The following UACA variants were observed in gnomAD, a reference collection of about 807,000 sequenced individuals.
The protein encoded by UACA is uveal autoantigen with coiled-coil domains and ankyrin repeats, also known as nuclear membrane binding protein.
In UACA, 112 loss-of-function variants were observed where a neutral mutation model predicts 160.5. The ratio of observed to expected loss-of-function variants is 0.70; its 90% CI spans 0.60 to 0.82. The LOEUF is 0.82. Among genes scored for constraint, UACA ranks in the 40% least tolerant of loss-of-function variants. UACA has a pLI of 0.00. For missense variants in UACA, 1,574 were observed against 1,614.6 expected (o/e 0.97, Z 0.43); for synonymous variants, 557 against 568.4 (o/e 0.98, Z 0.29).
Position 70,687,561 on chromosome 15 carries a change from T to C in UACA, c.581A>G (p.Asn194Ser). The C allele has an allele frequency of 7.4e-6, 12 of 1,613,866 alleles. No individual in the cohort carries two copies. The South Asian group carries it at 1.2e-4, about 16-fold the overall frequency. ...QLLIDRGADV[N>S]SRDKQNRTAL... Reference sequence around the variant, plus strand: ...TTACCTGTTTTGTTTGTCTCTGGAATTAACATCCGCTCCTCTATCTATCAG... The same window carrying C: ...TTACCTGTTTTGTTTGTCTCTGGAACTAACATCCGCTCCTCTATCTATCAG... Residue 194 changes from asparagine to serine, a missense_variant, in exon 7 of 19, where the codon AAT becomes AGT. Physicochemically the swap from Asn to Ser is conservative, Grantham distance 46. Transcript: ENST00000322954.
chr15:70,663,428 A>G (rs1452131025), intron 17 of UACA, among the ~76,000 whole-genome samples: 1 of 152,198 alleles, frequency 6.6e-6, no homozygotes, highest in African/African-American at 2.4e-5. Flanking sequence ...AAACTAGTTC[A>G]ACTATTGTGG....
chr15:70,743,383 T>A (rs1290311861), intron 1 of UACA, among the ~76,000 whole-genome samples: 1 of 152,222 alleles, frequency 6.6e-6, no homozygotes, highest in African/African-American at 2.4e-5. Context: ...GCATATTTCC[T>A]CATCATATTC....
chr15:70,722,864 T>C (rs557436378), intron 1 of UACA, among the ~76,000 whole-genome samples: 1 of 152,256 alleles, frequency 6.6e-6, no homozygotes, highest in East Asian at 1.9e-4. Flanking sequence ...CAATTCAGTT[T>C]GAAAAAAATT....
chr15:70,669,064 C>T lies in UACA; in HGVS notation c.1620G>A (p.Glu540=). Residue 540 remains glutamate, a synonymous_variant, in exon 16 of 19, where the codon GAG becomes GAA. Transcript: ENST00000322954. ...AGTCTTTCAACTGATCCTTCAGTTC[C>T]TCGGTTAGTCTGTGATTCCCTGAGG... ...EAASGNHRLT[E]ELKDQLKDLK... is the part of the protein sequence containing the mutation. 6.2e-7 allele frequency: 1 copy of T among 1,613,996 alleles called. No individual in the cohort carries two copies. The highest frequency in any genetic ancestry group is 8.5e-7 in the Non-Finnish European group (1 of 1,179,996).
At chr15:70,683,833 GT>G (rs1555410763) in intron 8 of UACA, among the ~76,000 whole-genome samples, 1 of 150,844 alleles carries the variant, frequency 6.6e-6, no homozygotes, top group Non-Finnish European at 1.5e-5. Flanking sequence ...GTATGTTCCT[GT>G]TTTTTTTAAA....
the UACA span, among the ~76,000 whole-genome samples, chr15:70,777,873 G>A: frequency 6.6e-6 from 1 of 152,186 alleles, no homozygotes; most frequent in Non-Finnish European, 1.5e-5. Context: ...TAAGATGGGA[G>A]ATATTAACAG....
At position 70,655,153 on chromosome 15, in the gene UACA, T is replaced by C. The variant is rs1312086785; in HGVS notation, c.*1903A>G. 6.6e-6 allele frequency: 1 copy of C among 152,224 alleles called. No homozygotes were observed. Among genetic ancestry groups the C allele is most frequent in the Admixed American group, 6.5e-5 (1 of 15,284 alleles). 9.4% of individuals were successfully genotyped at this position (152,224 alleles called of 1,614,324 possible). On this transcript the variant is annotated 3_prime_UTR_variant, in exon 19 of 19. Coordinates refer to ENST00000322954, the MANE Select transcript of UACA (RefSeq NM_018003.4). ...GGTTGAAAACAAAATAAAATACACA[T>C]AAGGTTCCCTTCCCATCTCTAATAT... is the stretch of plus-strand genomic sequence containing the variant.
chr15:70,704,414 A>C (rs10518920), intron 1 of UACA, among the ~76,000 whole-genome samples: 27,884 of 152,044 alleles, frequency 0.18, 3,952 homozygotes, highest in African/African-American at 0.4. Context: ...TGGTCGATAA[A>C]AGATCCTTCT....
intron 1 of UACA, among the ~76,000 whole-genome samples, chr15:70,761,656 G>C (rs1221817326): frequency 6.6e-6 from 1 of 152,028 alleles, no homozygotes; most frequent in Non-Finnish European, 1.5e-5. Context: ...TATTTAAACA[G>C]AAATGTTTGC....
chr15:70,691,716 A>G (rs1360303495), intron 3 of UACA, among the ~76,000 whole-genome samples: 2 of 152,170 alleles, frequency 1.3e-5, no homozygotes, highest in African/African-American at 4.8e-5. Flanking sequence ...ATGAGGAAAG[A>G]AGAGAGAGAA....
intron 7 of UACA, among the ~76,000 whole-genome samples, chr15:70,685,819 G>T (rs980447132): frequency 6.6e-6 from 1 of 151,568 alleles, no homozygotes; most frequent in Non-Finnish European, 1.5e-5. Flanking sequence ...GTCTCGCTCT[G>T]TTGCCAGCGC....
chr15:70,773,562 C>T, the UACA span, among the ~76,000 whole-genome samples: 1 of 152,070 alleles, frequency 6.6e-6, no homozygotes, highest in Non-Finnish European at 1.5e-5. Context: ...GATTTGATCC[C>T]TCAGTTAGGA....
At position 70,654,694 on chromosome 15, in the gene UACA, T is replaced by C. The variant is rs1896435386; in HGVS notation, c.*2362A>G. On this transcript the variant is annotated 3_prime_UTR_variant, in exon 19 of 19. Transcript: ENST00000322954. Reference sequence around the variant, plus strand: ...GAACAAGAGTAATAAAGTTCTCAAGTAAGGATTGCACTCCAATAGGAATTG... The same window carrying C: ...GAACAAGAGTAATAAAGTTCTCAAGCAAGGATTGCACTCCAATAGGAATTG... The C allele has an allele frequency of 6.6e-6, 1 of 151,918 alleles. No homozygotes were observed. Among genetic ancestry groups the C allele is most frequent in the East Asian group, 1.9e-4 (1 of 5,174 alleles). The allele number at this position is 151,918 out of a possible 1,614,324, so 9.4% of individuals were successfully genotyped here. A position where few individuals can be genotyped will look rare whatever the true frequency, so the allele number is the denominator to read the frequency against.
At chr15:70,771,588 A>T in the UACA span, among the ~76,000 whole-genome samples, 25,044 of 152,182 alleles carry the variant, frequency 0.16, 2,916 homozygotes, top group African/African-American at 0.33. Context: ...GAACAAGTAA[A>T]CAAGCAAATA....
intron 1 of UACA, among the ~76,000 whole-genome samples, chr15:70,738,201 A>G (rs1415968050): frequency 6.6e-6 from 1 of 152,036 alleles, no homozygotes; most frequent in Non-Finnish European, 1.5e-5. Context: ...CAGAATTACA[A>G]TCACTTATTT....
At chr15:70,678,062 AAGAC>A in intron 11 of UACA, 33 bp downstream of exon 11, 1 of 1,429,626 alleles carries the variant, frequency 7.0e-7, no homozygotes, top group East Asian at 2.3e-5. Context: ...TTGATATAGT[AAGAC>A]AGTTTATTTT....
In UACA at chr15:70,668,981, T is replaced by C. The variant is rs1308156923; in HGVS notation, c.1703A>G (p.Lys568Arg). The change falls in exon 16 of 19, where the codon AAA becomes AGA. Residue 568 changes from lysine (K) to arginine (R), a missense_variant. By Grantham distance (26) the Lys-to-Arg change is conservative. Coordinates refer to ENST00000322954, the MANE Select transcript of UACA (RefSeq NM_018003.4). ...CTCTTCTACTATCATCTCATTTTGT[T>C]TGATTTGGTTTCTTAATTTCCCCAC... is the stretch of plus-strand genomic sequence containing the variant. ...AEVGKLRNQI[K>R]QNEMIVEEFK... 6.2e-7 allele frequency: 1 copy of C among 1,613,808 alleles called. No individual in the cohort carries two copies. Among genetic ancestry groups the C allele is most frequent in the Admixed American group, 1.7e-5 (1 of 59,990 alleles).
chr15:70,765,603 A>G (rs971858131), upstream of UACA, among the ~76,000 whole-genome samples: 2 of 152,240 alleles, frequency 1.3e-5, no homozygotes, highest in African/African-American at 2.4e-5. Flanking sequence ...AATAACTGAC[A>G]TATATTTGAA....
At chr15:70,715,570 G>C (rs1409393958) in intron 1 of UACA, among the ~76,000 whole-genome samples, 1 of 152,138 alleles carries the variant, frequency 6.6e-6, no homozygotes, top group African/African-American at 2.4e-5. Context: ...TATAAAAGCA[G>C]AGGGTTACAG....
Sources: gnomAD v4.1 joint callset for allele counts (sites outside exome capture counted in the v4.1 genomes callset) on GRCh38, gnomAD v4.1.1 for gene constraint, MANE v1.5 for transcripts, NCBI Gene and HGNC (gene_info 2026-07-23, HGNC 2026-07-21) for gene names.